The following KMT2D variants were observed in gnomAD, a reference collection of about 807,000 sequenced individuals.
KMT2D encodes lysine methyltransferase 2D, also known as histone-lysine N-methyltransferase 2D.
KMT2D carries 55 observed loss-of-function variants against 512.7 expected under a neutral mutation model. The ratio of observed to expected loss-of-function variants is 0.11; its 90% CI spans 0.09 to 0.13. The LOEUF is 0.13. Among genes scored for constraint, KMT2D ranks in the 10% least tolerant of loss-of-function variants. The probability of loss-of-function intolerance (pLI) is 1.00; values close to 1 mark genes in which losing one functional copy is unlikely to be tolerated. For missense variants in KMT2D, 6,061 were observed against 7,127.9 expected (o/e 0.85, Z 5.39); for synonymous variants, 2,995 against 2,904.0 (o/e 1.03, Z -1.01).
In KMT2D at chr12:49,031,158, C is replaced by A; in HGVS notation, c.13530+17G>T. The A allele has an allele frequency of 6.2e-7, 1 of 1,607,280 alleles. No individual in the cohort carries two copies. Among genetic ancestry groups the A allele is most frequent in the Non-Finnish European group, 8.5e-7 (1 of 1,176,210 alleles). On this transcript the variant is annotated intron_variant, in intron 40 of 54. Transcript: ENST00000301067. ...TAGGACCCACTCTACCTGCTCCACT[C>A]TACTCAGAGTACTCACCTCCTTGTT...
At position 49,049,743 on chromosome 12, in the gene KMT2D, C is replaced by T. The variant is rs1245762427; in HGVS notation, c.3845G>A (p.Gly1282Asp). ...LCDAGTAISG[G>D]KAEGEKGRRR... ...CCGCCCCTTCTCCCCCTCAGCTTTGCCTCCGCTGATAGCTGTCCCAGCATC... is the reference window on the plus strand; with the variant it reads ...CCGCCCCTTCTCCCCCTCAGCTTTGTCTCCGCTGATAGCTGTCCCAGCATC... The change falls in exon 12 of 55, where the codon GGC becomes GAC. Residue 1282 changes from glycine to aspartate, a missense_variant. Transcript: ENST00000301067. The T allele has an allele frequency of 2.5e-6, 4 of 1,607,054 alleles. No homozygotes were observed. The highest frequency in any genetic ancestry group is 3.4e-6 in the Non-Finnish European group (4 of 1,174,070).
In KMT2D at chr12:49,032,972, TTGCTGTTGCTGTTGCAGC is replaced by T. The variant is rs1311060952; in HGVS notation, c.11715_11732del (p.Leu3912_Gln3917del). On this transcript the variant is annotated inframe_deletion, in exon 40 of 55. Transcript: ENST00000301067. The stretch of plus-strand genomic sequence containing the variant: ...GCTGCTGCTGCTGCTGCTGCTGAAG[TTGCTGTTGCTGTTGCAGC>T]TGCTGCTGCTGCTGAAGCTGCTGTA... 1 of 1,549,852 alleles carries T rather than the reference TTGCTGTTGCTGTTGCAGC, an allele frequency of 6.5e-7. No individual in the cohort carries two copies. The highest frequency in any genetic ancestry group is 8.7e-7 in the Non-Finnish European group (1 of 1,146,772).
At chr12:49,056,179 G>T (rs1253974662) in intron 1 of KMT2D, among the ~76,000 whole-genome samples, 3 of 152,212 alleles carry the variant, frequency 2.0e-5, no homozygotes, top group Admixed American at 6.5e-5. Context: ...CATGCTGGGA[G>T]TTGTAGTCTC....
Position 49,041,585 on chromosome 12 carries a change from C to G in KMT2D, c.6235-50G>C, listed in dbSNP as rs1187511523. ...GCAGTCAGGCTGCTGCAGGCAGGCC[C>G]CATGGCCCTCCACCCTCAAGAGAGG... On this transcript the variant is annotated intron_variant, in intron 31 of 54. Transcript: ENST00000301067. The surrounding 1 kb of genome is among the most constrained non-coding windows in gnomAD (Gnocchi z 5.4). 6.2e-7 allele frequency: 1 copy of G among 1,612,594 alleles called. No individual in the cohort carries two copies. The highest frequency in any genetic ancestry group is 1.1e-5 in the South Asian group (1 of 90,954).
chr12:49,022,294 G>A lies in KMT2D; in HGVS notation c.16398C>T (p.Thr5466=), dbSNP rs1206866686. Reference sequence around the variant, plus strand: ...TCATCTCTCACCTGGCAGGGCCGCCGGTCAACGTAGCATCAATCACATGTT... The same window carrying A: ...TCATCTCTCACCTGGCAGGGCCGCCAGTCAACGTAGCATCAATCACATGTT... The part of the protein sequence containing the change: ...NNEHVIDATL[T]GGPARYINHS... Residue 5466 remains threonine (T), a synonymous_variant, in exon 53 of 55, where the codon ACC becomes ACT. Coordinates refer to ENST00000301067, the MANE Select transcript of KMT2D (RefSeq NM_003482.4). This position sits in a 1 kb window ranked among gnomAD's most constrained non-coding sequence, Gnocchi z 8.6. The A allele has an allele frequency of 3.7e-6, 6 of 1,606,412 alleles. No individual in the cohort carries two copies. Among genetic ancestry groups the A allele is most frequent in the Middle Eastern group, 1.7e-4 (1 of 6,048 alleles).
Position 49,038,455 on chromosome 12 carries a change from G to A in KMT2D, c.8901C>T (p.Pro2967=), listed in dbSNP as rs767675707. 20 of 1,609,110 alleles carry A rather than the reference G, an allele frequency of 1.2e-5. No individual in the cohort carries two copies. The highest frequency in any genetic ancestry group is 1.5e-5 in the Non-Finnish European group (18 of 1,176,698). ...LPTGLELVNR[P]PSSTELGRPN... ...GGCGGCCAAGCTCAGTGCTCGACGG[G>A]GGCCGGTTGACCAGCTCCAAACCAG... The change falls in exon 35 of 55, where the codon CCC becomes CCT. Residue 2967 remains proline (P), a synonymous_variant. Transcript: ENST00000301067. This position sits in a 1 kb window ranked among gnomAD's most constrained non-coding sequence, Gnocchi z 5.7.
rs776384666 is a variant in KMT2D, at chr12:49,033,705, T to C, written c.11000A>G (p.Gln3667Arg). The change falls in exon 40 of 55, where the codon CAG (glutamine) becomes CGG (arginine). Residue 3667 changes from glutamine to arginine, a missense_variant. Transcript: ENST00000301067. Reference sequence around the variant, plus strand: ...TGTATTAAGGAAGGGGCCACCAGGCTGTCCAGGTAGTGCCATACCCCCAGG... The same window carrying C: ...TGTATTAAGGAAGGGGCCACCAGGCCGTCCAGGTAGTGCCATACCCCCAGG... ...LTPGGMALPG[Q>R]PGGPFLNTAL... The C allele has an allele frequency of 1.2e-6, 2 of 1,613,708 alleles. No homozygotes were observed. Among genetic ancestry groups the C allele is most frequent in the Admixed American group, 1.7e-5 (1 of 60,030 alleles).
chr12:49,029,463 C>T lies in KMT2D; in HGVS notation c.14013G>A (p.Val4671=), dbSNP rs568664615. 5.8e-6 allele frequency: 9 copies of T among 1,555,704 alleles called. No individual in the cohort carries two copies. Among genetic ancestry groups the T allele is most frequent in the Non-Finnish European group, 7.8e-6 (9 of 1,148,982 alleles). The change falls in exon 44 of 55, where the codon GTG becomes GTA. Residue 4671 remains valine (V), a synonymous_variant. Transcript: ENST00000301067. ...SERALRDTSE[V]KSLDLLAALP... Reference sequence around the variant, plus strand: ...AGGCAGCCAGCAGGTCTAGACTCTTCACCTCTGAAGTATCTGAGGGGTGGG... The same window carrying T: ...AGGCAGCCAGCAGGTCTAGACTCTTTACCTCTGAAGTATCTGAGGGGTGGG...
At position 49,053,027 on chromosome 12, in the gene KMT2D, T is replaced by C. The variant is rs375948181; in HGVS notation, c.1000A>G (p.Asn334Asp). ...RACGAGSAELNPNSEWFENYS... is the reference protein window; with the variant it reads ...RACGAGSAELDPNSEWFENYS... ...TTCTCAAACCACTCCGAGTTGGGATTCAGTTCTGCTGAGCCCGCCCCACAG... is the reference window on the plus strand; with the variant it reads ...TTCTCAAACCACTCCGAGTTGGGATCCAGTTCTGCTGAGCCCGCCCCACAG... Residue 334 changes from asparagine to aspartate, a missense_variant, in exon 9 of 55, where the codon AAT (asparagine) becomes GAT (aspartate). Asn to Asp is a conservative substitution (Grantham distance 23, BLOSUM62 1). Around this residue, in one of 16 missense-constraint regions of KMT2D, gnomAD observed 848 missense variants for 838.5 expected, o/e 1.01. Transcript: ENST00000301067. The C allele has an allele frequency of 2.9e-5, 46 of 1,613,926 alleles. No homozygotes were observed. Among genetic ancestry groups the C allele is most frequent in the Non-Finnish European group, 3.8e-5 (45 of 1,179,888 alleles).
intron 1 of KMT2D, among the ~76,000 whole-genome samples, chr12:49,058,064 G>A (rs920610541): frequency 6.6e-6 from 1 of 152,188 alleles, no homozygotes; most frequent in Non-Finnish European, 1.5e-5. Context: ...AGGCCCTTGA[G>A]TGAACAGCTC....
chr12:49,058,433 T>C (rs1430833079), intron 1 of KMT2D, among the ~76,000 whole-genome samples: 1 of 152,148 alleles, frequency 6.6e-6, no homozygotes, highest in African/African-American at 2.4e-5. Flanking sequence ...AAATCTAGTA[T>C]ATGTATGTTG....
intron 49 of KMT2D, among the ~76,000 whole-genome samples, chr12:49,025,655 C>A (rs1942541034): frequency 6.6e-6 from 1 of 152,162 alleles, no homozygotes; most frequent in Non-Finnish European, 1.5e-5. Flanking sequence ...GACTCAGTTT[C>A]TTTATGAACA....
rs1218915669 is a variant in KMT2D, at chr12:49,030,598, G to C, written c.13839+3C>G. 11 of 1,555,770 alleles carry C rather than the reference G, an allele frequency of 7.1e-6. No individual in the cohort carries two copies. Among genetic ancestry groups the C allele is most frequent in the Non-Finnish European group, 9.6e-6 (11 of 1,149,952 alleles). ...TCCCAAAAAATATTGCCATTTTTCT[G>C]ACCTTGGTAAGCAGCTGGGAATAGT... On this transcript the variant is annotated splice_donor_region_variant and intron_variant, in intron 42 of 54. Transcript: ENST00000301067.
At position 49,051,631 on chromosome 12, in the gene KMT2D, A is replaced by T. The variant is rs200116899; in HGVS notation, c.2052T>A (p.Pro684=). Residue 684 remains proline, a synonymous_variant, in exon 11 of 55, where the codon CCT becomes CCA. Transcript: ENST00000301067. Reference sequence around the variant, plus strand: ...GTGGTGGGGAGAGGCGTGAAGCCTCAGGTGGAGGGGACGTGGGAGACTCCT... The same window carrying T: ...GTGGTGGGGAGAGGCGTGAAGCCTCTGGTGGAGGGGACGTGGGAGACTCCT... ...PPEESPTSPP[P]EASRLSPPPE... 954 of 1,572,820 alleles carry T rather than the reference A, an allele frequency of 6.1e-4. 4 individuals carry two copies. Among genetic ancestry groups the T allele is most frequent in the Middle Eastern group, 4.3e-3 (25 of 5,862 alleles).
At position 49,021,210 on chromosome 12, in the gene KMT2D, G is replaced by A. The variant is rs1257447641; in HGVS notation, c.*570C>T. ...TGCATTTGTCAGAGTGGAAAACAAG[G>A]AAACACAACCCATAGAGAGACAGAA... On this transcript the variant is annotated 3_prime_UTR_variant, in exon 55 of 55. Transcript: ENST00000301067. The A allele has an allele frequency of 1.1e-5, 2 of 182,344 alleles. No homozygotes were observed. The highest frequency in any genetic ancestry group is 2.3e-5 in the Non-Finnish European group (2 of 88,276). 11.3% of individuals were successfully genotyped at this position (182,344 alleles called of 1,614,324 possible).
At position 49,041,051 on chromosome 12, in the gene KMT2D, G is replaced by A. The variant is rs2120540757; in HGVS notation, c.6719C>T (p.Thr2240Ile). 1 of 1,550,896 alleles carries A rather than the reference G, an allele frequency of 6.4e-7. No homozygotes were observed. The highest frequency in any genetic ancestry group is 1.2e-5 in the South Asian group (1 of 80,194). ...PPGTPRHQPSTPDPFLKPRCP... is the reference protein window; with the variant it reads ...PPGTPRHQPSIPDPFLKPRCP... ...GCGGGGTTTGAGGAATGGGTCAGGT[G>A]TGGAGGGCTGGTGTCTGGGGGTGCC... Residue 2240 changes from threonine to isoleucine, a missense_variant, in exon 32 of 55, where the codon ACA becomes ATA. By Grantham distance (89) the Thr-to-Ile change is moderately conservative (BLOSUM62 -1). Transcript: ENST00000301067. The surrounding 1 kb of genome is among the most constrained non-coding windows in gnomAD (Gnocchi z 5.4).
Position 49,032,769 on chromosome 12 carries a change from T to C in KMT2D, c.11936A>G (p.Asn3979Ser), listed in dbSNP as rs1466077002. 1.3e-6 allele frequency: 2 copies of C among 1,565,172 alleles called. No homozygotes were observed. The highest frequency in any genetic ancestry group is 1.7e-6 in the Non-Finnish European group (2 of 1,154,338). ...QQQQQQMGLL[N>S]QSRTLLSPQQ... ...AGGAGACAGTAAAGTTCGACTCTGGTTTAAAAGGCCCATCTGCTGCTGTTG... is the reference window on the plus strand; with the variant it reads ...AGGAGACAGTAAAGTTCGACTCTGGCTTAAAAGGCCCATCTGCTGCTGTTG... The change falls in exon 40 of 55, where the codon AAC (asparagine) becomes AGC (serine). Residue 3979 changes from asparagine to serine, a missense_variant. Transcript: ENST00000301067.
rs1398124117 is a variant in KMT2D, at chr12:49,029,464, A to T, written c.14012T>A (p.Val4671Glu). The T allele has an allele frequency of 6.4e-7, 1 of 1,555,224 alleles. No homozygotes were observed. Among genetic ancestry groups the T allele is most frequent in the South Asian group, 1.2e-5 (1 of 84,288 alleles). Reference protein sequence around the residue: ...SERALRDTSEVKSLDLLAALP... With the variant: ...SERALRDTSEEKSLDLLAALP... ...GGCAGCCAGCAGGTCTAGACTCTTC[A>T]CCTCTGAAGTATCTGAGGGGTGGGT... The change falls in exon 44 of 55, where the codon GTG (valine) becomes GAG (glutamate). Residue 4671 changes from valine to glutamate, a missense_variant. Val to Glu is a moderately radical substitution (Grantham distance 121). Transcript: ENST00000301067.
rs779506886 is a variant in KMT2D at position 49,039,728 on chromosome 12, C to T, written c.8042G>A (p.Arg2681Gln). The T allele has an allele frequency of 1.3e-5, 21 of 1,612,092 alleles. No homozygotes were observed. The highest frequency in any genetic ancestry group is 2.2e-5 in the East Asian group (1 of 44,884). Residue 2681 changes from arginine to glutamine, a missense_variant, in exon 32 of 55, where the codon CGG (arginine) becomes CAG (glutamine). This residue lies in a region of KMT2D where 527 missense variants were observed against 578.9 expected (regional missense o/e 0.91). Transcript: ENST00000301067. The surrounding 1 kb of genome is among the most constrained non-coding windows in gnomAD (Gnocchi z 5.0). ...GLSQTELEKQ[R>Q]QRQRLRELLI... ...AGCTCCAGGGTGTCAACTTACCTGC[C>T]GTTGCTTCTCCAGCTCTGTTTGGCT...
Sources: allele counts gnomAD v4.1 joint callset (sites outside exome capture counted in the v4.1 genomes callset), GRCh38; gene constraint gnomAD v4.1.1; regional missense constraint gnomAD v4.1.1; non-coding constraint Gnocchi (gnomAD v3.1); transcripts MANE v1.5; gene names NCBI Gene and HGNC (gene_info 2026-07-23, HGNC 2026-07-21).